BNC2: variants seen among roughly 807,000 people sequenced by gnomAD.
The protein encoded by BNC2 is basonuclin zinc finger protein 2.
In BNC2, 20 loss-of-function variants were observed where a neutral mutation model predicts 76.3. That is an observed-to-expected ratio of 0.26 (90% CI 0.18 to 0.38). BNC2 has a LOEUF of 0.38. Among genes scored for constraint, BNC2 ranks in the 10% least tolerant of loss-of-function variants. The pLI is 1.00. For missense variants in BNC2, 1,382 were observed against 1,399.8 expected, an observed-to-expected ratio of 0.99 and a Z score of 0.20; for synonymous variants, 582 against 514.8, an observed-to-expected ratio of 1.13 and a Z score of -1.77.
At chr9:16,435,203 G>C in intron 6 of BNC2, 1 of 385,814 alleles carries the variant, frequency 2.6e-6, no homozygotes, top group Non-Finnish European at 5.0e-6. Context: ...TATAACAGAA[G>C]CTGTGGCTTC....
chr9:16,818,498 A>G (rs113790184), intron 1 of BNC2, among the ~76,000 whole-genome samples: 184 of 152,348 alleles, frequency 1.2e-3, no homozygotes, highest in African/African-American at 4.4e-3. Context: ...AATGAGCTGC[A>G]TGAGCTTAAG....
chr9:16,864,319 T>G (rs1457953929), intron 1 of BNC2, among the ~76,000 whole-genome samples: 1 of 152,210 alleles, frequency 6.6e-6, no homozygotes, highest in Non-Finnish European at 1.5e-5. Context: ...TGCTAATAGA[T>G]CCATTCATAT....
chr9:16,844,961 T>C (rs1315154150), intron 1 of BNC2, among the ~76,000 whole-genome samples: 1 of 152,116 alleles, frequency 6.6e-6, no homozygotes, highest in Admixed American at 6.5e-5. Flanking sequence ...GTTGAGTCAT[T>C]TGTGACAAAC....
At chr9:16,694,639 T>C (rs936520482) in intron 3 of BNC2, among the ~76,000 whole-genome samples, 2 of 152,182 alleles carry the variant, frequency 1.3e-5, no homozygotes, top group African/African-American at 4.8e-5. Context: ...CGAAGATCAA[T>C]GAATCAACAC....
At chr9:16,719,589 A>G (rs1001368576) in intron 3 of BNC2, among the ~76,000 whole-genome samples, 9 of 152,210 alleles carry the variant, frequency 5.9e-5, no homozygotes, top group African/African-American at 2.2e-4. Flanking sequence ...GACAGTCTCA[A>G]AAAAGCACAG....
chr9:16,754,246 T>C (rs1825310060), intron 1 of BNC2, among the ~76,000 whole-genome samples: 1 of 152,210 alleles, frequency 6.6e-6, no homozygotes, highest in Non-Finnish European at 1.5e-5. Flanking sequence ...CATCACAAAA[T>C]GAAATGTCCC....
At chr9:16,607,260 G>A (rs143616487) in intron 3 of BNC2, among the ~76,000 whole-genome samples, 2 of 152,270 alleles carry the variant, frequency 1.3e-5, no homozygotes, top group East Asian at 3.9e-4. Context: ...TTTTAAAAAG[G>A]GGATTCGTTT....
intron 3 of BNC2, among the ~76,000 whole-genome samples, chr9:16,636,978 C>A (rs1056967837): frequency 6.6e-6 from 1 of 151,278 alleles, no homozygotes; most frequent in Admixed American, 6.6e-5. Flanking sequence ...GCTTTCCTAG[C>A]TAATGGGAAA....
chr9:16,666,315 T>G (rs557480729), intron 3 of BNC2, among the ~76,000 whole-genome samples: 3 of 152,350 alleles, frequency 2.0e-5, no homozygotes, highest in Admixed American at 6.5e-5. Context: ...AATGTTGGCA[T>G]TCCCTTGATC....
At chr9:16,444,453 C>G (rs566632764) in intron 5 of BNC2, among the ~76,000 whole-genome samples, 6 of 151,992 alleles carry the variant, frequency 3.9e-5, no homozygotes, top group Non-Finnish European at 8.8e-5. Flanking sequence ...CTACACCTGC[C>G]GGTGTGCTGA....
chr9:16,661,059 A>AT (rs1299882490), intron 3 of BNC2, among the ~76,000 whole-genome samples: 5 of 152,134 alleles, frequency 3.3e-5, no homozygotes, highest in Admixed American at 6.5e-5. Context: ...CATTATTCCC[A>AT]TTTTAAATGT....
chr9:16,460,534 A>T (rs772079713), intron 5 of BNC2, among the ~76,000 whole-genome samples: 5 of 152,140 alleles, frequency 3.3e-5, no homozygotes, highest in Non-Finnish European at 5.9e-5. Context: ...GAGACACAAG[A>T]ATCACTTGTA....
chr9:16,568,135 C>A (rs2132790687), intron 4 of BNC2, among the ~76,000 whole-genome samples: 1 of 152,224 alleles, frequency 6.6e-6, no homozygotes, highest in African/African-American at 2.4e-5. Context: ...CTTTAGAATT[C>A]CAAATTACAA....
At chr9:16,627,444 T>A (rs993452597) in intron 3 of BNC2, among the ~76,000 whole-genome samples, 6 of 152,112 alleles carry the variant, frequency 3.9e-5, no homozygotes, top group Admixed American at 6.5e-5. Flanking sequence ...TGTAAAATAT[T>A]CACAAGCTCA....
chr9:16,797,856 C>T (rs1817695688), intron 1 of BNC2, among the ~76,000 whole-genome samples: 1 of 152,030 alleles, frequency 6.6e-6, no homozygotes, highest in Admixed American at 6.6e-5. Flanking sequence ...AGGAAGCAGG[C>T]CTATCCCACC....
chr9:16,676,029 C>T (rs180816655), intron 3 of BNC2, among the ~76,000 whole-genome samples: 32 of 152,208 alleles, frequency 2.1e-4, no homozygotes, highest in Non-Finnish European at 3.4e-4. Context: ...TTCACCACTG[C>T]GCTCCAGCCT....
At chr9:16,782,376 A>T (rs947897693) in intron 1 of BNC2, among the ~76,000 whole-genome samples, 2 of 152,154 alleles carry the variant, frequency 1.3e-5, no homozygotes, top group Non-Finnish European at 2.9e-5. Context: ...TAAGAAATCA[A>T]TAAGTTTGTA....
intron 3 of BNC2, among the ~76,000 whole-genome samples, chr9:16,692,479 T>C (rs537801804): frequency 6.6e-6 from 1 of 152,222 alleles, no homozygotes; most frequent in East Asian, 1.9e-4. Context: ...TTGTGCAGGG[T>C]TGGCAAGGTT....
In BNC2 at chr9:16,436,381, G is replaced by T; in HGVS notation, c.1813C>A (p.Pro605Thr). Residue 605 changes from proline to threonine, a missense_variant, in exon 6 of 7, where the codon CCC (proline) becomes ACC (threonine). Around this residue, in one of 3 missense-constraint regions of BNC2, gnomAD observed 798 missense variants for 775.5 expected, o/e 1.03. Transcript: ENST00000380672. ...ACTACTGGCTCAGAGGGTGGCGGGG[G>T]GTGCTGCTCTATGGTACCACTGGTT... ...IPTSGTIEQH[P>T]PPPSEPVVPA... 1 of 1,614,156 alleles carries T rather than the reference G, an allele frequency of 6.2e-7. No homozygotes were observed. Among genetic ancestry groups the T allele is most frequent in the Non-Finnish European group, 8.5e-7 (1 of 1,180,032 alleles).
Sources: gnomAD v4.1 joint callset for allele counts (sites outside exome capture counted in the v4.1 genomes callset) on GRCh38, gnomAD v4.1.1 for gene constraint, gnomAD v4.1.1 regional missense constraint, MANE v1.5 for transcripts, NCBI Gene and HGNC (gene_info 2026-07-23, HGNC 2026-07-21) for gene names.